SPIDR: variants seen among roughly 807,000 people sequenced by gnomAD.
The protein encoded by SPIDR is DNA repair-scaffolding protein.
In SPIDR, 93 loss-of-function variants were observed where a neutral mutation model predicts 104.6. The ratio of observed to expected loss-of-function variants is 0.89; its 90% CI spans 0.75 to 1.06. SPIDR has a LOEUF of 1.06. SPIDR is among the 50% of genes least tolerant of loss of function. The probability of loss-of-function intolerance (pLI) is 0.00; values close to 1 mark genes in which losing one functional copy is unlikely to be tolerated. For synonymous variants in SPIDR, 431 were observed against 416.9 expected (o/e 1.03, Z -0.41); for missense variants, 1,154 against 1,111.2 (o/e 1.04, Z -0.55).
intron 8 of SPIDR, among the ~76,000 whole-genome samples, chr8:47,451,123 G>C (rs569353875): frequency 1.3e-5 from 2 of 152,286 alleles, no homozygotes; most frequent in Non-Finnish European, 1.5e-5. Flanking sequence ...GAAATCAGTT[G>C]TCTTAAATAT....
At chr8:47,565,643 T>A (rs1238864491) in intron 8 of SPIDR, among the ~76,000 whole-genome samples, 1 of 151,956 alleles carries the variant, frequency 6.6e-6, no homozygotes, top group African/African-American at 2.4e-5. Context: ...TTTACTCATT[T>A]GTATTCTTTT....
At chr8:47,311,694 A>G (rs2044191631) in intron 5 of SPIDR, among the ~76,000 whole-genome samples, 2 of 152,008 alleles carry the variant, frequency 1.3e-5, no homozygotes, top group South Asian at 4.1e-4. Context: ...AGAAATGCTA[A>G]TGAATGGTAG....
chr8:47,435,897 G>C (rs938474005), intron 7 of SPIDR, among the ~76,000 whole-genome samples: 5 of 152,334 alleles, frequency 3.3e-5, no homozygotes, highest in African/African-American at 9.6e-5. Context: ...AAGGATATTT[G>C]ATTACTGGGA....
intron 10 of SPIDR, among the ~76,000 whole-genome samples, chr8:47,671,485 T>A (rs187319978): frequency 4.0e-4 from 60 of 151,884 alleles, no homozygotes; most frequent in Admixed American, 1.4e-3. Context: ...CTCAGGAGGC[T>A]GAGGCAAGAG....
intron 11 of SPIDR, among the ~76,000 whole-genome samples, chr8:47,680,880 C>T (rs1381033564): frequency 6.6e-6 from 1 of 152,180 alleles, no homozygotes; most frequent in Admixed American, 6.5e-5. Context: ...GGCCGAGAGG[C>T]AGATCACCTG....
chr8:47,717,366 C>T (rs1589478610), intron 16 of SPIDR, among the ~76,000 whole-genome samples: 1 of 152,298 alleles, frequency 6.6e-6, no homozygotes, highest in Middle Eastern at 3.4e-3. Flanking sequence ...CTGAGAGTCA[C>T]AGCCATGCCA....
intron 8 of SPIDR, among the ~76,000 whole-genome samples, chr8:47,485,188 C>A (rs1286754428): frequency 1.3e-5 from 2 of 152,222 alleles, no homozygotes; most frequent in Admixed American, 1.3e-4. Context: ...AAATGGCACA[C>A]CAGGAGATTA....
intron 8 of SPIDR, among the ~76,000 whole-genome samples, chr8:47,499,435 G>A (rs1167108960): frequency 6.6e-6 from 1 of 152,066 alleles, no homozygotes; most frequent in Non-Finnish European, 1.5e-5. Context: ...TGAATCCCTG[G>A]AATGGCTCTA....
intron 5 of SPIDR, among the ~76,000 whole-genome samples, chr8:47,344,112 T>TA: frequency 7.3e-6 from 1 of 137,004 alleles, no homozygotes; most frequent in Non-Finnish European, 1.6e-5. Flanking sequence ...ATGCTATCCC[T>TA]ACCCCCTCCC....
Position 47,700,373 on chromosome 8 carries a change from G to T in SPIDR, c.1686-30G>T, listed in dbSNP as rs201069192. On this transcript the variant is annotated intron_variant, in intron 11 of 19. Coordinates refer to ENST00000297423, the MANE Select transcript of SPIDR (RefSeq NM_001080394.4). Reference sequence around the variant, plus strand: ...AAGTACTCAGTAAGGGATGTCTGATGATGAATACCTTTGACTTTTCTTGTT... The same window carrying T: ...AAGTACTCAGTAAGGGATGTCTGATTATGAATACCTTTGACTTTTCTTGTT... The T allele has an allele frequency of 3.1e-6, 5 of 1,609,920 alleles. No homozygotes were observed. In the African/African-American group the frequency reaches 6.7e-5, roughly 21 times the overall value.
chr8:47,575,621 TG>T (rs2059005532), intron 8 of SPIDR, among the ~76,000 whole-genome samples: 1 of 131,106 alleles, frequency 7.6e-6, no homozygotes, highest in Non-Finnish European at 1.6e-5. Flanking sequence ...CACTCCAGCC[TG>T]GGCGACAGAG....
At chr8:47,352,289 A>AG (rs544918707) in intron 5 of SPIDR, among the ~76,000 whole-genome samples, 7 of 151,924 alleles carry the variant, frequency 4.6e-5, no homozygotes, top group East Asian at 3.9e-4. Context: ...AAAAAAAAAA[A>AG]AAAGAAAGAA....
intron 8 of SPIDR, among the ~76,000 whole-genome samples, chr8:47,526,372 G>C (rs553607257): frequency 9.2e-5 from 14 of 152,288 alleles, no homozygotes; most frequent in African/African-American, 3.1e-4. Context: ...CTACCTTACT[G>C]TTACTTTGCT....
intron 11 of SPIDR, among the ~76,000 whole-genome samples, chr8:47,693,713 C>T (rs181166045): frequency 6.8e-5 from 10 of 146,406 alleles, no homozygotes; most frequent in South Asian, 4.5e-4. Context: ...TGACCAGCCC[C>T]GGAACACAGG....
At chr8:47,615,525 T>C (rs1054070511) in intron 10 of SPIDR, among the ~76,000 whole-genome samples, 4 of 142,682 alleles carry the variant, frequency 2.8e-5, no homozygotes, top group Non-Finnish European at 3.0e-5. Context: ...CAGGCTGGAA[T>C]ACAGTGGCAC....
intron 7 of SPIDR, among the ~76,000 whole-genome samples, chr8:47,435,591 C>T (rs1322925575): frequency 6.6e-6 from 1 of 152,026 alleles, no homozygotes; most frequent in Admixed American, 6.6e-5. Context: ...AACATCTTTG[C>T]TATTGTATAT....
chr8:47,431,918 G>A (rs1554689598), intron 7 of SPIDR, among the ~76,000 whole-genome samples: 1 of 152,106 alleles, frequency 6.6e-6, no homozygotes, highest in African/African-American at 2.4e-5. Flanking sequence ...GCTCTTCATA[G>A]GATAAATGTG....
chr8:47,264,892 G>A (rs2033563008), intron 1 of SPIDR, among the ~76,000 whole-genome samples: 1 of 152,116 alleles, frequency 6.6e-6, no homozygotes, highest in Non-Finnish European at 1.5e-5. Flanking sequence ...GATAATGAAA[G>A]CAATTAATAA....
intron 5 of SPIDR, among the ~76,000 whole-genome samples, chr8:47,382,672 A>T (rs1463213033): frequency 6.6e-6 from 1 of 152,182 alleles, no homozygotes; most frequent in Non-Finnish European, 1.5e-5. Context: ...CGGCCTCCCA[A>T]AGTGCTGGGA....
Sources: gnomAD v4.1 joint callset for allele counts (sites outside exome capture counted in the v4.1 genomes callset) on GRCh38, gnomAD v4.1.1 for gene constraint, MANE v1.5 for transcripts, NCBI Gene and HGNC (gene_info 2026-07-23, HGNC 2026-07-21) for gene names.